The following CLTCL1 variants were observed in gnomAD, a reference collection of about 807,000 sequenced individuals.
CLTCL1 encodes clathrin heavy chain like 1.
CLTCL1 carries 159 observed loss-of-function variants against 190.0 expected under a neutral mutation model. The observed-to-expected ratio is 0.84, with a 90% CI of 0.74 to 0.95. The LOEUF is 0.95. Among genes scored for constraint, CLTCL1 ranks in the 40% least tolerant of loss-of-function variants. The pLI, the probability that CLTCL1 is intolerant of heterozygous loss-of-function variation, is 0.00. For missense variants in CLTCL1, 1,878 were observed against 2,033.4 expected (o/e 0.92, Z 1.47); for synonymous variants, 752 against 769.6 (o/e 0.98, Z 0.38).
At chr22:19,287,605 G>A (rs954658627) in intron 1 of CLTCL1, among the ~76,000 whole-genome samples, 1 of 152,148 alleles carries the variant, frequency 6.6e-6, no homozygotes, top group African/African-American at 2.4e-5. Flanking sequence ...TGGATCACAG[G>A]AGGGCAAGAC....
chr22:19,202,216 C>T (rs1389731753), intron 22 of CLTCL1, among the ~76,000 whole-genome samples: 1 of 152,072 alleles, frequency 6.6e-6, no homozygotes, highest in Non-Finnish European at 1.5e-5. Flanking sequence ...CCTGATTGTT[C>T]TCAGTCCTGC....
chr22:19,202,265 CA>C (rs2084909505), intron 22 of CLTCL1, among the ~76,000 whole-genome samples: 1 of 152,048 alleles, frequency 6.6e-6, no homozygotes, highest in Non-Finnish European at 1.5e-5. Context: ...CCTGTGGCTG[CA>C]GAGCTAAACA....
chr22:19,227,169 T>C (rs2085771590), intron 11 of CLTCL1, among the ~76,000 whole-genome samples: 1 of 151,960 alleles, frequency 6.6e-6, no homozygotes, highest in South Asian at 2.1e-4. Flanking sequence ...CAAATCCCAT[T>C]TGTGCTTACT....
chr22:19,236,971 G>C (rs1169338178), intron 5 of CLTCL1, among the ~76,000 whole-genome samples: 1 of 152,028 alleles, frequency 6.6e-6, no homozygotes, highest in African/African-American at 2.4e-5. Context: ...TAAAAAACAA[G>C]GACAATTAGG....
At chr22:19,286,443 A>G (rs1569264214) in intron 1 of CLTCL1, among the ~76,000 whole-genome samples, 1 of 152,068 alleles carries the variant, frequency 6.6e-6, no homozygotes, top group African/African-American at 2.4e-5. Flanking sequence ...GACATTTTAC[A>G]TGGGATGCAA....
At chr22:19,235,168 C>CTTT (rs546447360) in intron 6 of CLTCL1, among the ~76,000 whole-genome samples, 1 of 143,402 alleles carries the variant, frequency 7.0e-6, no homozygotes, top group Non-Finnish European at 1.5e-5. Context: ...CTGTTCCCGA[C>CTTT]TTTTTTTTTT....
intron 23 of CLTCL1, among the ~76,000 whole-genome samples, 163 bp from the exon 24 acceptor site, chr22:19,200,004 G>A (rs1364260232): frequency 6.6e-6 from 1 of 152,056 alleles, no homozygotes. Context: ...GTACAAGACT[G>A]GGAGAAAAAA....
At chr22:19,238,942 G>A (rs782254250) in intron 5 of CLTCL1, among the ~76,000 whole-genome samples, 3 of 152,130 alleles carry the variant, frequency 2.0e-5, no homozygotes, top group African/African-American at 7.2e-5. Flanking sequence ...CCATTAACCC[G>A]TCACCTACAT....
intron 24 of CLTCL1, among the ~76,000 whole-genome samples, chr22:19,199,057 C>T (rs571549471): frequency 1.4e-4 from 21 of 152,292 alleles, no homozygotes; most frequent in Non-Finnish European, 1.8e-4. Context: ...CTCCAGACAA[C>T]GTCTCACATA....
chr22:19,270,303 C>T (rs975616093), intron 2 of CLTCL1, among the ~76,000 whole-genome samples: 2 of 152,044 alleles, frequency 1.3e-5, no homozygotes, highest in African/African-American at 4.8e-5. Flanking sequence ...GTTGCTGCCT[C>T]GGGCCGGGAG....
Position 19,183,617 on chromosome 22 carries a change from G to C in CLTCL1, c.4606-6C>G. 1 of 1,613,172 alleles carries C rather than the reference G, an allele frequency of 6.2e-7. No homozygotes were observed. The highest frequency in any genetic ancestry group is 8.5e-7 in the Non-Finnish European group (1 of 1,179,670). ...GCAGCATGCTGCATGGCATCCTGCA[G>C]CCAAGGCAAATGCTTGCTTGGGCAT... On this transcript the variant is annotated splice_region_variant and splice_polypyrimidine_tract_variant and intron_variant, in intron 29 of 32. Coordinates refer to ENST00000427926, the MANE Select transcript of CLTCL1 (RefSeq NM_007098.4).
At chr22:19,243,342 A>C (rs1238208188) in intron 3 of CLTCL1, among the ~76,000 whole-genome samples, 1 of 152,224 alleles carries the variant, frequency 6.6e-6, no homozygotes, top group African/African-American at 2.4e-5. Context: ...TTTAATAAAA[A>C]CCAATAAGGC....
chr22:19,214,934 G>A (rs1479047702), intron 19 of CLTCL1, among the ~76,000 whole-genome samples: 1 of 152,220 alleles, frequency 6.6e-6, no homozygotes, highest in Non-Finnish European at 1.5e-5. Context: ...TGGGATTACA[G>A]GCGTGAGCCA....
At chr22:19,207,235 G>A (rs1358983867) in intron 22 of CLTCL1, among the ~76,000 whole-genome samples, 2 of 151,258 alleles carry the variant, frequency 1.3e-5, no homozygotes, top group Admixed American at 6.6e-5. Context: ...CAGGTTGGTC[G>A]CAAATTCCTG....
chr22:19,288,720 C>T (rs1266330176), intron 1 of CLTCL1, among the ~76,000 whole-genome samples: 7 of 152,236 alleles, frequency 4.6e-5, no homozygotes, highest in Non-Finnish European at 4.4e-5. Context: ...GGCTTGGGAA[C>T]ATCAAGCTTA....
At chr22:19,219,692 C>T (rs1280469998) in intron 18 of CLTCL1, among the ~76,000 whole-genome samples, 193 bp downstream of exon 18, 2 of 152,160 alleles carry the variant, frequency 1.3e-5, no homozygotes, top group Admixed American at 1.3e-4. Flanking sequence ...CCACGTTGGC[C>T]AGGCTGGTCT....
chr22:19,253,383 C>A (rs1045410185), intron 3 of CLTCL1, among the ~76,000 whole-genome samples: 1 of 152,186 alleles, frequency 6.6e-6, no homozygotes, highest in Non-Finnish European at 1.5e-5. Context: ...CTGTGCACAT[C>A]GGGGCCCTTT....
At chr22:19,194,138 T>C (rs964009082) in intron 26 of CLTCL1, among the ~76,000 whole-genome samples, 1 of 152,064 alleles carries the variant, frequency 6.6e-6, no homozygotes, top group African/African-American at 2.4e-5. Context: ...GATTGGTGCA[T>C]TTACAATCCT....
At chr22:19,275,535 T>G in intron 2 of CLTCL1, 88 bp downstream of exon 2, 31 of 1,346,318 alleles carry the variant, frequency 2.3e-5, no homozygotes, top group Non-Finnish European at 2.8e-5. Flanking sequence ...CACTTCGCCA[T>G]GAGCTTAGTG....
Sources: allele counts gnomAD v4.1 joint callset (sites outside exome capture counted in the v4.1 genomes callset), GRCh38; gene constraint gnomAD v4.1.1; transcripts MANE v1.5; gene names NCBI Gene and HGNC (gene_info 2026-07-23, HGNC 2026-07-21).